CYP26C1: variants seen among roughly 807,000 people sequenced by gnomAD.
The protein encoded by CYP26C1 is cytochrome P450 26C1.
Under a neutral mutation model 39.1 loss-of-function variants are expected in CYP26C1, and 41 were observed. The ratio of observed to expected loss-of-function variants is 1.05; its 90% CI spans 0.82 to 1.36. The LOEUF (loss-of-function observed/expected upper bound fraction) is 1.36. Ranked by LOEUF, CYP26C1 falls within the 40% of genes most tolerant of loss-of-function variation. The pLI is 0.00. For missense variants in CYP26C1, 833 were observed against 752.0 expected (o/e 1.11, Z -1.26); for synonymous variants, 362 against 350.8 (o/e 1.03, Z -0.36).
intron 3 of CYP26C1, chr10:93,064,140 G>GT: frequency 7.9e-7 from 1 of 1,268,164 alleles, no homozygotes; most frequent in Non-Finnish European, 1.0e-6. Context: ...CAGGATGACA[G>GT]TAACTCTGCT....
Position 93,061,011 on chromosome 10 carries a change from C to G in CYP26C1, c.-253C>G, listed in dbSNP as rs1846738530. 9.9e-6 allele frequency: 5 copies of G among 503,308 alleles called. No homozygotes were observed. Among genetic ancestry groups the G allele is most frequent in the Non-Finnish European group, 1.7e-5 (5 of 289,664 alleles). The allele number at this position is 503,308 out of a possible 1,614,324, so 31.2% of individuals were successfully genotyped here. A position where few individuals can be genotyped will look rare whatever the true frequency, so the allele number is the denominator to read the frequency against. ...AGGGACTGGCATTTGGGCCCAGGAGCCAGGAAAAAGTCCTGAGCGTGCCGG... is the reference window on the plus strand; with the variant it reads ...AGGGACTGGCATTTGGGCCCAGGAGGCAGGAAAAAGTCCTGAGCGTGCCGG... On this transcript the variant is annotated 5_prime_UTR_variant, in exon 1 of 6. Coordinates refer to ENST00000651965, the MANE Select transcript of CYP26C1 (RefSeq NM_183374.3).
chr10:93,065,068 T>TAC (rs1353982388), intron 4 of CYP26C1, among the ~76,000 whole-genome samples: 2 of 152,160 alleles, frequency 1.3e-5, no homozygotes, highest in Non-Finnish European at 2.9e-5. Flanking sequence ...CCTCCCCTTG[T>TAC]ACACACATCG....
intron 3 of CYP26C1, 162 bp downstream of exon 3, chr10:93,063,157 G>A (rs1846774865): frequency 1.4e-6 from 2 of 1,396,376 alleles, no homozygotes; most frequent in African/African-American, 1.5e-5. Flanking sequence ...GTGGCGTGGC[G>A]GTGGGCTCTG....
In CYP26C1 at chr10:93,062,113, G is replaced by A. The variant is rs1194094018; in HGVS notation, c.308G>A (p.Arg103His). ...CGCGTGAGCGGCGCGGAGAACGTGC[G>A]CACCATCCTGCTGGGCGAGCACCGC... ...VIRVSGAENV[R>H]TILLGEHRLV... Residue 103 changes from arginine to histidine, a missense_variant, in exon 2 of 6, where the codon CGC becomes CAC. By Grantham distance (29) the Arg-to-His change is conservative. Coordinates refer to ENST00000651965, the MANE Select transcript of CYP26C1 (RefSeq NM_183374.3). 27 of 1,558,366 alleles carry A rather than the reference G, an allele frequency of 1.7e-5. No homozygotes were observed. Among genetic ancestry groups the A allele is most frequent in the Non-Finnish European group, 3.5e-6 (4 of 1,152,824 alleles).
chr10:93,064,416 G>A lies in CYP26C1; in HGVS notation c.741G>A (p.Leu247=). 6.2e-7 allele frequency: 1 copy of A among 1,614,142 alleles called. No individual in the cohort carries two copies. Among genetic ancestry groups the A allele is most frequent in the Non-Finnish European group, 8.5e-7 (1 of 1,180,022 alleles). Residue 247 remains leucine (L), a synonymous_variant, in exon 4 of 6, where the codon CTG becomes CTA. Transcript: ENST00000651965. ...CAAGGGACCAGCTGCATCGGCACCT[G>A]GAGGGGGCCATTTCTGAGAAGCTTC... is the stretch of plus-strand genomic sequence containing the variant. ...IRARDQLHRH[L]EGAISEKLHE...
chr10:93,066,592 A>G (rs1337916838), intron 5 of CYP26C1, among the ~76,000 whole-genome samples: 1 of 152,190 alleles, frequency 6.6e-6, no homozygotes, highest in Non-Finnish European at 1.5e-5. Flanking sequence ...GAGTTTTAGA[A>G]TAAAAATACT....
rs1338421367 is a variant in CYP26C1, at chr10:93,069,155, G to T, written c.*458G>T. 6.5e-6 allele frequency: 1 copy of T among 154,752 alleles called. No individual in the cohort carries two copies. Among genetic ancestry groups the T allele is most frequent in the Non-Finnish European group, 1.4e-5 (1 of 69,820 alleles). 9.6% of individuals were successfully genotyped at this position (154,752 alleles called of 1,614,324 possible). A position where few individuals can be genotyped will look rare whatever the true frequency, so the allele number is the denominator to read the frequency against. On this transcript the variant is annotated 3_prime_UTR_variant, in exon 6 of 6. Coordinates refer to ENST00000651965, the MANE Select transcript of CYP26C1 (RefSeq NM_183374.3). Reference sequence around the variant, plus strand: ...ACCTGCAACCCTTGTAAGGAAGCGGGCACGCCGTGGGCGCAACCCTGGCCT... The same window carrying T: ...ACCTGCAACCCTTGTAAGGAAGCGGTCACGCCGTGGGCGCAACCCTGGCCT...
chr10:93,066,313 A>G, intron 5 of CYP26C1, 28 bp downstream of exon 5: 2 of 1,300,444 alleles, frequency 1.5e-6, no homozygotes, highest in East Asian at 3.0e-5. Context: ...GCCCATGGCC[A>G]GCCTCCTGCC....
At chr10:93,063,387 A>G (rs1846777597) in intron 3 of CYP26C1, 1 of 1,011,422 alleles carries the variant, frequency 9.9e-7, no homozygotes, top group Non-Finnish European at 1.2e-6. Flanking sequence ...TGGCTGCGGA[A>G]CCGAGGAGAG....
chr10:93,067,076 G>T (rs576206957), intron 5 of CYP26C1, among the ~76,000 whole-genome samples: 26 of 152,350 alleles, frequency 1.7e-4, no homozygotes, highest in Non-Finnish European at 2.8e-4. Context: ...TTGGTGGCTG[G>T]GTGGCTCCAG....
At position 93,068,309 on chromosome 10, in the gene CYP26C1, C is replaced by T. The variant is rs758084287; in HGVS notation, c.1192-11C>T. 32 of 1,498,550 alleles carry T rather than the reference C, an allele frequency of 2.1e-5. No homozygotes were observed. Among genetic ancestry groups the T allele is most frequent in the Non-Finnish European group, 2.8e-5 (31 of 1,124,620 alleles). The allele number at this position is 1,498,550 out of a possible 1,614,324, so 92.8% of individuals were successfully genotyped here. A position where few individuals can be genotyped will look rare whatever the true frequency, so the allele number is the denominator to read the frequency against. ...CCTCGTGGTCAGGCTGATCTCCTCG[C>T]CTCTCTGCAGGGCTACCAGATCCCC... On this transcript the variant is annotated splice_polypyrimidine_tract_variant and intron_variant, in intron 5 of 5. Coordinates refer to ENST00000651965, the MANE Select transcript of CYP26C1 (RefSeq NM_183374.3).
intron 5 of CYP26C1, among the ~76,000 whole-genome samples, chr10:93,067,509 G>A (rs1437136368): frequency 6.6e-6 from 1 of 152,156 alleles, no homozygotes; most frequent in Non-Finnish European, 1.5e-5. Flanking sequence ...GACAGGAAAG[G>A]GTCTTAGCCA....
chr10:93,063,989 G>A, intron 3 of CYP26C1: 2 of 1,012,190 alleles, frequency 2.0e-6, no homozygotes, highest in Non-Finnish European at 2.4e-6. Flanking sequence ...GGTGCATCAA[G>A]GTACCCCAGC....
rs1243689216 is a variant in CYP26C1, at chr10:93,062,047, G to C, written c.242G>C (p.Gly81Ala). ...RFHSSRRERY[G>A]TVFKTHLLGR... Reference sequence around the variant, plus strand: ...CACAGTTCTCGCCGAGAGCGCTATGGGACAGTGTTCAAGACGCACCTGCTG... The same window carrying C: ...CACAGTTCTCGCCGAGAGCGCTATGCGACAGTGTTCAAGACGCACCTGCTG... The change falls in exon 2 of 6, where the codon GGG becomes GCG. Residue 81 changes from glycine to alanine, a missense_variant. Physicochemically the swap from Gly to Ala is moderately conservative, Grantham distance 60. Coordinates refer to ENST00000651965, the MANE Select transcript of CYP26C1 (RefSeq NM_183374.3). The C allele has an allele frequency of 2.5e-6, 4 of 1,578,636 alleles. No homozygotes were observed. The South Asian group carries it at 4.7e-5, about 18-fold the overall frequency.
At position 93,069,423 on chromosome 10, in the gene CYP26C1, C is replaced by T. The variant is rs1164723133; in HGVS notation, c.*726C>T. On this transcript the variant is annotated 3_prime_UTR_variant, in exon 6 of 6. Coordinates refer to ENST00000651965, the MANE Select transcript of CYP26C1 (RefSeq NM_183374.3). ...TGTATACAGAGGAGAATAGGCACAC[C>T]AACACGTCTCCAACGCTGGATTATT... The T allele has an allele frequency of 6.6e-6, 1 of 152,214 alleles. No individual in the cohort carries two copies. The highest frequency in any genetic ancestry group is 1.5e-5 in the Non-Finnish European group (1 of 68,044). The allele number at this position is 152,214 out of a possible 1,614,324, so 9.4% of individuals were successfully genotyped here.
intron 5 of CYP26C1, among the ~76,000 whole-genome samples, chr10:93,067,547 T>C (rs1461686006): frequency 6.6e-6 from 1 of 152,174 alleles, no homozygotes; most frequent in African/African-American, 2.4e-5. Context: ...AGAACACTGA[T>C]GTCTAGAGAG....
At chr10:93,063,904 T>TC in intron 3 of CYP26C1, 1 of 986,746 alleles carries the variant, frequency 1.0e-6, no homozygotes, top group Non-Finnish European at 1.2e-6. Context: ...TGGAGAGGCA[T>TC]CCCCTATTGC....
At chr10:93,061,671 A>G (rs1846751505) in intron 1 of CYP26C1, among the ~76,000 whole-genome samples, 1 of 152,002 alleles carries the variant, frequency 6.6e-6, no homozygotes, top group Non-Finnish European at 1.5e-5. Context: ...TTCCCCCCAG[A>G]GCAACTCCCA....
At position 93,068,423 on chromosome 10, in the gene CYP26C1, G is replaced by C. The variant is rs779348326; in HGVS notation, c.1295G>C (p.Arg432Pro). ...CCTCCCGAAGGCTTCGATCCAGAGCGCTTCGGCGCAGCGCGCGAAGATTCC... is the reference window on the plus strand; with the variant it reads ...CCTCCCGAAGGCTTCGATCCAGAGCCCTTCGGCGCAGCGCGCGAAGATTCC... ...RSPPEGFDPE[R>P]FGAAREDSRG... The change falls in exon 6 of 6, where the codon CGC becomes CCC. Residue 432 changes from arginine to proline, a missense_variant. By Grantham distance (103) the Arg-to-Pro change is moderately radical. Transcript: ENST00000651965. The C allele has an allele frequency of 3.5e-5, 56 of 1,611,960 alleles. No individual in the cohort carries two copies. Among genetic ancestry groups the C allele is most frequent in the Non-Finnish European group, 4.5e-5 (53 of 1,179,544 alleles).
Sources: gnomAD v4.1 joint callset for allele counts (sites outside exome capture counted in the v4.1 genomes callset) on GRCh38, gnomAD v4.1.1 for gene constraint, MANE v1.5 for transcripts, NCBI Gene and HGNC (gene_info 2026-07-23, HGNC 2026-07-21) for gene names.